The following LRRTM4 variants were observed in gnomAD, a reference collection of about 807,000 sequenced individuals.
LRRTM4 encodes the protein leucine-rich repeat transmembrane neuronal protein 4.
Under a neutral mutation model 47.6 loss-of-function variants are expected in LRRTM4, and 25 were observed. The observed-to-expected ratio is 0.53, with a 90% CI of 0.38 to 0.73. The LOEUF is 0.73. Ranked by LOEUF, LRRTM4 falls within the 30% of genes least tolerant of loss-of-function variation. LRRTM4 has a pLI of 0.00. For missense variants in LRRTM4, 638 were observed against 713.4 expected (o/e 0.89, Z 1.20); for synonymous variants, 311 against 269.5 (o/e 1.15, Z -1.51).
At chr2:77,034,981 G>C (rs1208990447) in intron 3 of LRRTM4, among the ~76,000 whole-genome samples, 1 of 151,726 alleles carries the variant, frequency 6.6e-6, no homozygotes, top group Non-Finnish European at 1.5e-5. Flanking sequence ...TCAAGAAAAT[G>C]AATTGGTTTC....
intron 3 of LRRTM4, among the ~76,000 whole-genome samples, chr2:76,798,635 C>A (rs1402117184): frequency 1.3e-5 from 2 of 151,166 alleles, no homozygotes; most frequent in East Asian, 1.9e-4. Context: ...ACACAAAAAA[C>A]CCTTCAAAAA....
chr2:76,756,547 G>A (rs1022015514), intron 3 of LRRTM4, among the ~76,000 whole-genome samples: 18 of 152,052 alleles, frequency 1.2e-4, no homozygotes, highest in African/African-American at 3.9e-4. Flanking sequence ...ATTTAAAGAA[G>A]GTAATTCTTC....
chr2:77,034,020 TA>T (rs1678753067), intron 3 of LRRTM4, among the ~76,000 whole-genome samples: 1 of 151,808 alleles, frequency 6.6e-6, no homozygotes, highest in South Asian at 2.1e-4. Flanking sequence ...AGTATACCTT[TA>T]TTATTGATAA....
intron 3 of LRRTM4, among the ~76,000 whole-genome samples, chr2:77,002,719 T>G (rs1047124529): frequency 6.6e-6 from 1 of 152,118 alleles, no homozygotes; most frequent in Non-Finnish European, 1.5e-5. Flanking sequence ...CTTGGTGTCC[T>G]TGCTCTCACC....
chr2:77,217,360 TA>T (rs1312056634), intron 3 of LRRTM4, among the ~76,000 whole-genome samples: 2 of 20,038 alleles, frequency 1.0e-4, no homozygotes, highest in Non-Finnish European at 1.6e-4. Flanking sequence ...ATTAATTAAT[TA>T]TATTAATTTA....
intron 3 of LRRTM4, among the ~76,000 whole-genome samples, chr2:77,139,168 A>G (rs1672040968): frequency 6.8e-6 from 1 of 147,376 alleles, no homozygotes; most frequent in Admixed American, 6.7e-5. Context: ...GAGACACAAC[A>G]AAAAAAAGAG....
At chr2:76,831,532 A>G (rs1335937306) in intron 3 of LRRTM4, among the ~76,000 whole-genome samples, 1 of 152,152 alleles carries the variant, frequency 6.6e-6, no homozygotes. Flanking sequence ...TATAGCACAT[A>G]TAATTCCAAA....
chr2:77,515,535 C>T (rs1679173722), intron 3 of LRRTM4, among the ~76,000 whole-genome samples: 1 of 151,568 alleles, frequency 6.6e-6, no homozygotes, highest in Non-Finnish European at 1.5e-5. Flanking sequence ...AGAAAATTAG[C>T]ATTTGGTGCT....
chr2:77,138,452 C>A (rs991230825), intron 3 of LRRTM4, among the ~76,000 whole-genome samples: 1 of 152,152 alleles, frequency 6.6e-6, no homozygotes, highest in Non-Finnish European at 1.5e-5. Flanking sequence ...ATACCAGAAT[C>A]TCTGGGACAC....
chr2:76,899,381 T>A (rs972274649), intron 3 of LRRTM4, among the ~76,000 whole-genome samples: 1 of 150,528 alleles, frequency 6.6e-6, no homozygotes, highest in Admixed American at 6.7e-5. Context: ...TATTTTATAA[T>A]AGTGCATAAA....
intron 3 of LRRTM4, among the ~76,000 whole-genome samples, chr2:77,483,496 A>G (rs1003875276): frequency 1.3e-5 from 2 of 152,022 alleles, no homozygotes; most frequent in Non-Finnish European, 2.9e-5. Context: ...GTGCATCACC[A>G]CGCTCAGCTA....
At chr2:76,835,490 G>A (rs1032176352) in intron 3 of LRRTM4, among the ~76,000 whole-genome samples, 1 of 152,050 alleles carries the variant, frequency 6.6e-6, no homozygotes, top group Non-Finnish European at 1.5e-5. Flanking sequence ...GAAAGGAAGA[G>A]AACTTTCTGA....
At chr2:77,264,489 G>A (rs972787941) in intron 3 of LRRTM4, among the ~76,000 whole-genome samples, 7 of 152,050 alleles carry the variant, frequency 4.6e-5, no homozygotes, top group African/African-American at 1.7e-4. Flanking sequence ...CATACTGGGG[G>A]TTAGGGCTTC....
chr2:76,928,405 C>G (rs1178172686), intron 3 of LRRTM4, among the ~76,000 whole-genome samples: 3 of 152,230 alleles, frequency 2.0e-5, no homozygotes, highest in South Asian at 2.1e-4. Context: ...GATGTAAAGA[C>G]TTTCAATTTT....
chr2:77,238,838 G>A (rs1675183082), intron 3 of LRRTM4, among the ~76,000 whole-genome samples: 1 of 151,522 alleles, frequency 6.6e-6, no homozygotes, highest in African/African-American at 2.4e-5. Context: ...GTCAAACCAG[G>A]GTACTATATT....
intron 3 of LRRTM4, among the ~76,000 whole-genome samples, chr2:77,390,905 GAAAT>G (rs1308806092): frequency 6.6e-6 from 1 of 150,892 alleles, no homozygotes; most frequent in African/African-American, 2.4e-5. Context: ...GATTGTTAGA[GAAAT>G]AAAAAGTTCA....
chr2:77,516,631 G>A lies in LRRTM4; in HGVS notation c.1551+1687C>T, dbSNP rs967108063. Reference sequence around the variant, plus strand: ...TACTCAAGTATATTGTATAATTGTGGGCCTGCAATAAAAACATCAAGCCTT... The same window carrying A: ...TACTCAAGTATATTGTATAATTGTGAGCCTGCAATAAAAACATCAAGCCTT... On this transcript the variant is annotated intron_variant, in intron 3 of 3. Coordinates refer to ENST00000409884, the MANE Select transcript of LRRTM4 (RefSeq NM_001134745.3). The A allele has an allele frequency of 2.2e-5, 22 of 982,766 alleles. No homozygotes were observed. The African/African-American group carries it at 2.3e-4, about 10-fold the overall frequency. 60.9% of individuals were successfully genotyped at this position (982,766 alleles called of 1,614,324 possible). A position where few individuals can be genotyped will look rare whatever the true frequency, so the allele number is the denominator to read the frequency against.
At chr2:76,954,324 A>G (rs1268276002) in intron 3 of LRRTM4, among the ~76,000 whole-genome samples, 2 of 151,932 alleles carry the variant, frequency 1.3e-5, no homozygotes, top group Non-Finnish European at 2.9e-5. Flanking sequence ...ATGCATGAAC[A>G]AAACGAGAAT....
intron 3 of LRRTM4, among the ~76,000 whole-genome samples, chr2:77,383,095 TA>T (rs372636826): frequency 2.3e-4 from 35 of 152,162 alleles, no homozygotes; most frequent in African/African-American, 8.2e-4. Flanking sequence ...TACCTCAAAT[TA>T]AGTACAGAAA....
Sources: gnomAD v4.1 joint callset for allele counts (sites outside exome capture counted in the v4.1 genomes callset) on GRCh38, gnomAD v4.1.1 for gene constraint, MANE v1.5 for transcripts, NCBI Gene and HGNC (gene_info 2026-07-23, HGNC 2026-07-21) for gene names.